SHANK2: variants seen among roughly 807,000 people sequenced by gnomAD.
SHANK2 encodes the protein SH3 and multiple ankyrin repeat domains protein 2.
In SHANK2, 43 loss-of-function variants were observed where a neutral mutation model predicts 133.7. That is an observed-to-expected ratio of 0.32 (90% CI 0.25 to 0.41). The LOEUF (loss-of-function observed/expected upper bound fraction) is 0.41. Ranked by LOEUF, SHANK2 falls within the 10% of genes least tolerant of loss-of-function variation. The pLI is 1.00. For missense variants in SHANK2, 1,994 were observed against 2,235.8 expected, an observed-to-expected ratio of 0.89 and a Z score of 2.18; for synonymous variants, 1,017 against 952.8, an observed-to-expected ratio of 1.07 and a Z score of -1.24.
chr11:70,615,421 G>T (rs1386018883), intron 17 of SHANK2, among the ~76,000 whole-genome samples: 1 of 152,078 alleles, frequency 6.6e-6, no homozygotes, highest in East Asian at 1.9e-4. Flanking sequence ...GGAATAGCCT[G>T]AGCTCTGTCC....
rs554075 is a variant in SHANK2, at chr11:70,499,229, C to T, written c.2308+1341G>A. On this transcript the variant is annotated intron_variant, in intron 21 of 25. Coordinates refer to ENST00000601538, the MANE Select transcript of SHANK2 (RefSeq NM_012309.5). Reference sequence around the variant, plus strand: ...CGGTGTCTTCAGTCCCCAGCTGGATCCCCCAGTGTGACCAGGCTGGGCCAC... The same window carrying T: ...CGGTGTCTTCAGTCCCCAGCTGGATTCCCCAGTGTGACCAGGCTGGGCCAC... Among the ~76,000 whole-genome samples the T allele has an allele frequency of 2.2e-4, 33 of 152,386 alleles. No homozygotes were observed. In the East Asian group the frequency reaches 5.6e-3, roughly 26 times the overall value.
chr11:71,190,504 C>T (rs1458151039), intron 2 of SHANK2, among the ~76,000 whole-genome samples: 1 of 152,104 alleles, frequency 6.6e-6, no homozygotes, highest in Non-Finnish European at 1.5e-5. Flanking sequence ...AGAAGTGTGG[C>T]TCACCATTGT....
intron 14 of SHANK2, among the ~76,000 whole-genome samples, chr11:70,740,841 T>C (rs991757123): frequency 6.6e-6 from 1 of 152,148 alleles, no homozygotes; most frequent in Non-Finnish European, 1.5e-5. Context: ...AGTCTGGTCC[T>C]ATCCAGCAGA....
intron 8 of SHANK2, among the ~76,000 whole-genome samples, chr11:71,091,883 A>T (rs1459166396): frequency 1.2e-4 from 19 of 152,110 alleles, no homozygotes; most frequent in Admixed American, 1.2e-3. Flanking sequence ...CCTCTACCTG[A>T]TCAGGTAAAG....
chr11:70,624,158 C>T (rs2136471438), intron 17 of SHANK2, among the ~76,000 whole-genome samples: 1 of 152,214 alleles, frequency 6.6e-6, no homozygotes, highest in East Asian at 1.9e-4. Flanking sequence ...TCAGGAGGGG[C>T]TGAGGCCGGG....
intron 11 of SHANK2, among the ~76,000 whole-genome samples, chr11:70,876,247 C>G (rs146267199): frequency 0.013 from 1,587 of 126,892 alleles, 26 homozygotes; most frequent in African/African-American, 0.04. Context: ...CATATAGACA[C>G]ACACACACAC....
chr11:70,757,238 C>T (rs1946894623), intron 14 of SHANK2, among the ~76,000 whole-genome samples: 1 of 152,184 alleles, frequency 6.6e-6, no homozygotes, highest in Non-Finnish European at 1.5e-5. Flanking sequence ...CCAGCTTTGC[C>T]ATTTATGAGC....
Position 71,247,484 on chromosome 11 carries a change from T to TAA in SHANK2, c.-113+4939_-113+4940dup, listed in dbSNP as rs139897996. On this transcript the variant is annotated intron_variant, in intron 1 of 25. Transcript: ENST00000601538. ...GTATGAGAGAACAAGCTGTTTTTTT[T>TAA]AAAAAAAACAACACTTTCAGGGACA... Among the ~76,000 whole-genome samples, 771 of 146,046 alleles carry TAA rather than the reference T, an allele frequency of 5.3e-3. 13 individuals carry two copies. The highest frequency in any genetic ancestry group is 0.019 in the African/African-American group (743 of 39,464).
intron 14 of SHANK2, among the ~76,000 whole-genome samples, chr11:70,724,038 T>TC (rs1946124382): frequency 1.9e-5 from 2 of 105,260 alleles, no homozygotes; most frequent in Non-Finnish European, 3.7e-5. Flanking sequence ...CAAAGTTCAT[T>TC]CTTTTTTTTT....
rs137871789 is a variant in SHANK2, at chr11:70,660,883, A to G, written c.1936+713T>C. Among the ~76,000 whole-genome samples, 49 of 152,348 alleles carry G rather than the reference A, an allele frequency of 3.2e-4. 2 individuals are homozygous for G. The East Asian group carries it at 6.6e-3, about 20-fold the overall frequency. On this transcript the variant is annotated intron_variant, in intron 16 of 25. Transcript: ENST00000601538. ...GTAAGCTCCAAGATGAAACTTCCAC[A>G]TGGCTGAGCCACACACACAGTGGGC...
chr11:70,837,975 C>CAAAA (rs55862093), intron 11 of SHANK2, among the ~76,000 whole-genome samples: 37 of 25,164 alleles, frequency 1.5e-3, no homozygotes, highest in Non-Finnish European at 2.1e-3. Context: ...CATTCTGTCT[C>CAAAA]AAAAAAAAAA....
At chr11:71,085,825 TAATA>T (rs1298412778) in intron 8 of SHANK2, among the ~76,000 whole-genome samples, 204 of 418 alleles carry the variant, frequency 0.49, 10 homozygotes, top group Non-Finnish European at 0.52. Flanking sequence ...TTATATTATA[TAATA>T]ATATTATACA....
chr11:70,557,547 G>A (rs1043131824), intron 17 of SHANK2, among the ~76,000 whole-genome samples: 2 of 152,180 alleles, frequency 1.3e-5, no homozygotes, highest in East Asian at 3.9e-4. Context: ...AGAGCTTGAT[G>A]TCGGTCTTGC....
At chr11:70,873,128 G>GT (rs1449461393) in intron 11 of SHANK2, 1 of 471,002 alleles carries the variant, frequency 2.1e-6, no homozygotes, top group Non-Finnish European at 4.4e-6. Flanking sequence ...AGAATGATAT[G>GT]TTTGTGGTTC....
intron 14 of SHANK2, among the ~76,000 whole-genome samples, chr11:70,759,018 G>A (rs1946931633): frequency 6.6e-6 from 1 of 151,986 alleles, no homozygotes; most frequent in Admixed American, 6.6e-5. Flanking sequence ...AATTAGCCAG[G>A]CGTGGTGGTG....
At chr11:70,771,832 T>G (rs1947257765) in intron 14 of SHANK2, among the ~76,000 whole-genome samples, 1 of 152,294 alleles carries the variant, frequency 6.6e-6, no homozygotes, top group African/African-American at 2.4e-5. Flanking sequence ...CCGTTCCCAG[T>G]TGAGCTGCCA....
intron 14 of SHANK2, among the ~76,000 whole-genome samples, chr11:70,720,993 G>A (rs1946064291): frequency 6.6e-6 from 1 of 152,228 alleles, no homozygotes; most frequent in Non-Finnish European, 1.5e-5. Flanking sequence ...GGAACCCAAA[G>A]GAGTCCAGTC....
At chr11:70,710,479 C>T (rs1156318180) in intron 14 of SHANK2, among the ~76,000 whole-genome samples, 1 of 152,210 alleles carries the variant, frequency 6.6e-6, no homozygotes, top group Non-Finnish European at 1.5e-5. Context: ...GCGAGGGAGG[C>T]AGAACTGACA....
chr11:70,767,557 A>T (rs1947148508), intron 14 of SHANK2, among the ~76,000 whole-genome samples: 1 of 152,116 alleles, frequency 6.6e-6, no homozygotes, highest in African/African-American at 2.4e-5. Flanking sequence ...CAACGCCACA[A>T]TGTGGACGAG....
Sources: gnomAD v4.1 joint callset for allele counts (sites outside exome capture counted in the v4.1 genomes callset) on GRCh38, gnomAD v4.1.1 for gene constraint, MANE v1.5 for transcripts, NCBI Gene and HGNC (gene_info 2026-07-23, HGNC 2026-07-21) for gene names.